COL22A1: variants seen among roughly 807,000 people sequenced by gnomAD.
COL22A1 encodes the protein collagen type XXII alpha 1 chain.
A neutral mutation model predicts 248.9 loss-of-function variants in COL22A1; 221 were observed. The ratio of observed to expected loss-of-function variants is 0.89; its 90% CI spans 0.80 to 0.99. The LOEUF (loss-of-function observed/expected upper bound fraction) is 0.99. COL22A1 is among the 50% of genes least tolerant of loss of function. The pLI is 0.00. For missense variants in COL22A1, 2,240 were observed against 2,179.0 expected (o/e 1.03, Z -0.56); for synonymous variants, 891 against 793.4 (o/e 1.12, Z -2.07).
chr8:138,706,427 A>C (rs552407483), intron 30 of COL22A1, among the ~76,000 whole-genome samples: 250 of 152,362 alleles, frequency 1.6e-3, no homozygotes, highest in Non-Finnish European at 2.5e-3. Context: ...CAGAAATTAT[A>C]ACAAACTGTC....
chr8:138,805,721 A>G (rs1817522750), intron 10 of COL22A1, among the ~76,000 whole-genome samples: 1 of 114,418 alleles, frequency 8.7e-6, no homozygotes, highest in African/African-American at 3.6e-5. Flanking sequence ...GTGATGGTGT[A>G]GTGATGGTGT....
intron 40 of COL22A1, among the ~76,000 whole-genome samples, chr8:138,678,721 G>C (rs1055180717): frequency 6.6e-6 from 1 of 152,030 alleles, no homozygotes; most frequent in Non-Finnish European, 1.5e-5. Flanking sequence ...GGTGATTCTA[G>C]GTCCAGTCTC....
intron 7 of COL22A1, among the ~76,000 whole-genome samples, chr8:138,820,048 T>C (rs1489295158): frequency 6.6e-6 from 1 of 151,886 alleles, no homozygotes; most frequent in Non-Finnish European, 1.5e-5. Flanking sequence ...AACAGGAGAA[T>C]GAATGACGTA....
chr8:138,621,085 A>T (rs1023934834), intron 52 of COL22A1, among the ~76,000 whole-genome samples: 1 of 152,082 alleles, frequency 6.6e-6, no homozygotes, highest in Non-Finnish European at 1.5e-5. Flanking sequence ...ACAAACTTTG[A>T]ATGAGCAACT....
chr8:138,610,335 A>C (rs1210112176), intron 56 of COL22A1, among the ~76,000 whole-genome samples: 1 of 152,218 alleles, frequency 6.6e-6, no homozygotes, highest in Non-Finnish European at 1.5e-5. Flanking sequence ...TTTTAGAGAA[A>C]GCAAAATGAC....
intron 63 of COL22A1, 35 bp from the exon 64 acceptor site, chr8:138,591,536 A>C: frequency 6.8e-7 from 1 of 1,465,038 alleles, no homozygotes; most frequent in East Asian, 2.6e-5. Context: ...GATGGTGGAG[A>C]CCCCCGGGGA....
chr8:138,794,027 G>A (rs112601555), intron 12 of COL22A1, among the ~76,000 whole-genome samples: 1,715 of 152,190 alleles, frequency 0.011, 32 homozygotes, highest in African/African-American at 0.039. Flanking sequence ...AGGAATCCCC[G>A]GGTGCCTTCT....
chr8:138,609,115 C>T (rs763806186), intron 56 of COL22A1, among the ~76,000 whole-genome samples: 22 of 152,342 alleles, frequency 1.4e-4, no homozygotes, highest in South Asian at 1.2e-3. Flanking sequence ...TGATGCTGAC[C>T]GGGCACTTCC....
Position 138,833,786 on chromosome 8 carries a change from C to T in COL22A1, c.734-636G>A, listed in dbSNP as rs906907514. 2.6e-5 allele frequency among the ~76,000 whole-genome samples: 4 copies of T among 152,178 alleles called. No individual in the cohort carries two copies. The South Asian group carries it at 6.2e-4, about 24-fold the overall frequency. On this transcript the variant is annotated intron_variant, in intron 4 of 64. Coordinates refer to ENST00000303045, the MANE Select transcript of COL22A1 (RefSeq NM_152888.3). ...TGTAAAGTAACAGAAAAATCAGGGG[C>T]TTTGGACTTGGGTGAGGGTCAAGGG...
chr8:138,616,367 C>T (rs930733386), intron 54 of COL22A1, among the ~76,000 whole-genome samples: 1 of 152,172 alleles, frequency 6.6e-6, no homozygotes, highest in African/African-American at 2.4e-5. Flanking sequence ...ATCCACTTGA[C>T]CCTCTCTACA....
chr8:138,834,935 C>A (rs1820314202), intron 4 of COL22A1, among the ~76,000 whole-genome samples: 1 of 152,056 alleles, frequency 6.6e-6, no homozygotes, highest in Non-Finnish European at 1.5e-5. Context: ...TTGTGGGGAC[C>A]CCAGAAATAA....
In COL22A1 at chr8:138,720,745, G is replaced by A. The variant is rs1296066347; in HGVS notation, c.2349C>T (p.Gly783=). 1 of 1,613,500 alleles carries A rather than the reference G, an allele frequency of 6.2e-7. No individual in the cohort carries two copies. The highest frequency in any genetic ancestry group is 1.7e-5 in the Admixed American group (1 of 59,996). Residue 783 remains glycine (G), a synonymous_variant, in exon 27 of 65, where the codon GGC becomes GGT. Transcript: ENST00000303045. ...RGEDGLPGKP[G]LRGEIGEQGL... is the part of the protein sequence containing the mutation. ...AAAGAGGCAAAGTCCATACCCGAAG[G>A]CCTGGTTTTCCAGGCAGACCATCTT...
intron 4 of COL22A1, among the ~76,000 whole-genome samples, chr8:138,839,363 G>A (rs977562856): frequency 1.3e-5 from 2 of 152,124 alleles, no homozygotes; most frequent in Non-Finnish European, 2.9e-5. Context: ...GGCTTTTGTC[G>A]GCTCCATCGG....
intron 23 of COL22A1, among the ~76,000 whole-genome samples, chr8:138,735,359 C>T (rs1453001032): frequency 6.6e-6 from 1 of 152,050 alleles, no homozygotes; most frequent in African/African-American, 2.4e-5. Flanking sequence ...TCAGGGTGCA[C>T]AATTACAGGG....
chr8:138,712,054 C>T (rs2131060563), intron 30 of COL22A1, among the ~76,000 whole-genome samples: 1 of 152,294 alleles, frequency 6.6e-6, no homozygotes, highest in African/African-American at 2.4e-5. Flanking sequence ...CCTGAGATTA[C>T]CTAAGTCCCT....
At chr8:138,591,901 A>G (rs1010980011) in intron 63 of COL22A1, among the ~76,000 whole-genome samples, 3 of 152,170 alleles carry the variant, frequency 2.0e-5, no homozygotes, top group Admixed American at 2.0e-4. Context: ...GTACACACCT[A>G]CACACTCTCT....
At chr8:138,782,790 C>T (rs1175272667) in intron 12 of COL22A1, among the ~76,000 whole-genome samples, 1 of 152,134 alleles carries the variant, frequency 6.6e-6, no homozygotes. Flanking sequence ...CTGGTACTGT[C>T]CGTTCTCCCA....
At chr8:138,611,696 G>T (rs902171961) in intron 56 of COL22A1, among the ~76,000 whole-genome samples, 3 of 152,334 alleles carry the variant, frequency 2.0e-5, no homozygotes, top group Admixed American at 1.3e-4. Flanking sequence ...TCACCCCACT[G>T]AGAGCTCACA....
chr8:138,593,349 C>T (rs968553768), intron 63 of COL22A1, among the ~76,000 whole-genome samples: 11 of 151,690 alleles, frequency 7.3e-5, no homozygotes, highest in Admixed American at 2.0e-4. Context: ...CAAACCTGCA[C>T]GTTCAGCACA....
Sources: gnomAD v4.1 joint callset for allele counts (sites outside exome capture counted in the v4.1 genomes callset) on GRCh38, gnomAD v4.1.1 for gene constraint, MANE v1.5 for transcripts, NCBI Gene and HGNC (gene_info 2026-07-23, HGNC 2026-07-21) for gene names.